NR3C2: variants seen among roughly 807,000 people sequenced by gnomAD.
The protein encoded by NR3C2 is mineralocorticoid receptor.
In NR3C2, 15 loss-of-function variants were observed where a neutral mutation model predicts 86.4. The observed-to-expected ratio is 0.17, with a 90% CI of 0.12 to 0.27. NR3C2 has a LOEUF of 0.27. NR3C2 is among the 10% of genes least tolerant of loss of function. The pLI is 1.00. For missense variants in NR3C2, 960 were observed against 1,195.6 expected, an observed-to-expected ratio of 0.80 and a Z score of 2.91; for synonymous variants, 458 against 450.5, an observed-to-expected ratio of 1.02 and a Z score of -0.21.
At chr4:148,385,378 TAG>T (rs1337366831) in intron 2 of NR3C2, among the ~76,000 whole-genome samples, 1 of 152,190 alleles carries the variant, frequency 6.6e-6, no homozygotes, top group Admixed American at 6.5e-5. Flanking sequence ...ATCCCTGAGG[TAG>T]AGTTAGAATG....
chr4:148,415,665 G>A (rs1330818990), intron 2 of NR3C2, among the ~76,000 whole-genome samples: 3 of 152,160 alleles, frequency 2.0e-5, no homozygotes, highest in Non-Finnish European at 4.4e-5. Context: ...ATGAAGCCTA[G>A]ATCCTAACTG....
At chr4:148,324,685 C>CA (rs1466467445) in intron 2 of NR3C2, among the ~76,000 whole-genome samples, 1 of 151,850 alleles carries the variant, frequency 6.6e-6, no homozygotes, top group Non-Finnish European at 1.5e-5. Flanking sequence ...TTTTCACCAC[C>CA]AAAAAAACCC....
At chr4:148,356,139 A>G (rs1745539861) in intron 2 of NR3C2, among the ~76,000 whole-genome samples, 1 of 152,232 alleles carries the variant, frequency 6.6e-6, no homozygotes, top group African/African-American at 2.4e-5. Flanking sequence ...AGGGAATGAA[A>G]AGAGACAAAT....
At chr4:148,210,609 GAAAAAA>G (rs1257764690) in intron 3 of NR3C2, among the ~76,000 whole-genome samples, 1 of 152,078 alleles carries the variant, frequency 6.6e-6, no homozygotes, top group Non-Finnish European at 1.5e-5. Flanking sequence ...TCCCAAAGGG[GAAAAAA>G]ACCTGTGGTT....
intron 2 of NR3C2, among the ~76,000 whole-genome samples, chr4:148,378,624 C>T (rs868366964): frequency 7.9e-5 from 12 of 152,284 alleles, no homozygotes; most frequent in Middle Eastern, 3.4e-3. Context: ...CTTTCTTCCT[C>T]ATACTTCAGC....
chr4:148,404,019 ACATGT>A (rs1348460301), intron 2 of NR3C2, among the ~76,000 whole-genome samples: 1 of 152,068 alleles, frequency 6.6e-6, no homozygotes, highest in African/African-American at 2.4e-5. Context: ...AAGGAATCTA[ACATGT>A]CATAAGTTAC....
intron 2 of NR3C2, among the ~76,000 whole-genome samples, chr4:148,346,534 T>C (rs80085324): frequency 2.0e-5 from 3 of 152,076 alleles, no homozygotes; most frequent in African/African-American, 7.2e-5. Flanking sequence ...TAAAGACAAA[T>C]ACTTGGTATT....
intron 8 of NR3C2, among the ~76,000 whole-genome samples, chr4:148,083,531 G>A (rs950124326): frequency 2.0e-5 from 3 of 152,150 alleles, no homozygotes; most frequent in African/African-American, 4.8e-5. Context: ...CTCATCTGAA[G>A]GCCACCAACA....
At chr4:148,189,775 A>G (rs1736108740) in intron 4 of NR3C2, among the ~76,000 whole-genome samples, 1 of 152,004 alleles carries the variant, frequency 6.6e-6, no homozygotes, top group Admixed American at 6.6e-5. Context: ...GGAGGATTGT[A>G]TTTTTCCAAG....
At chr4:148,213,557 G>A (rs997424754) in intron 3 of NR3C2, among the ~76,000 whole-genome samples, 8 of 152,058 alleles carry the variant, frequency 5.3e-5, no homozygotes, top group East Asian at 1.9e-4. Context: ...ATTATTCTGC[G>A]GCTGTTCCAA....
intron 2 of NR3C2, among the ~76,000 whole-genome samples, chr4:148,316,425 A>C (rs889183097): frequency 6.6e-6 from 1 of 152,188 alleles, no homozygotes; most frequent in African/African-American, 2.4e-5. Context: ...CTTTCCGAGA[A>C]GCCACAACCC....
chr4:148,129,165 T>C (rs997371519), intron 6 of NR3C2, among the ~76,000 whole-genome samples: 1 of 152,232 alleles, frequency 6.6e-6, no homozygotes, highest in Admixed American at 6.5e-5. Flanking sequence ...ATGTGGTATA[T>C]GTATACAGTG....
At chr4:148,399,036 A>T (rs1283050871) in intron 2 of NR3C2, among the ~76,000 whole-genome samples, 2 of 152,236 alleles carry the variant, frequency 1.3e-5, no homozygotes, top group Non-Finnish European at 1.5e-5. Flanking sequence ...AGGATGGCAC[A>T]GACAAGACTC....
chr4:148,228,280 TACACAC>T lies in NR3C2; in HGVS notation c.1897+31692_1897+31697del, dbSNP rs61297657. On this transcript the variant is annotated intron_variant, in intron 3 of 8. Coordinates refer to ENST00000358102, the MANE Select transcript of NR3C2 (RefSeq NM_000901.5). ...CTCACATGAATAGTTGCATTATTTATACACACACACACACACCCAAGTACTTTGCTT... is the reference window on the plus strand; with the variant it reads ...CTCACATGAATAGTTGCATTATTTATACACACACACCCAAGTACTTTGCTT... Among the ~76,000 whole-genome samples the T allele has an allele frequency of 2.5e-3, 373 of 151,384 alleles. 3 individuals are homozygous for T. Among genetic ancestry groups the T allele is most frequent in the African/African-American group, 8.7e-3 (358 of 41,238 alleles).
At position 148,378,371 on chromosome 4, in the gene NR3C2, C is replaced by A. The variant is rs530885790; in HGVS notation, c.1757+56733G>T. Among the ~76,000 whole-genome samples, 34 of 150,632 alleles carry A rather than the reference C, an allele frequency of 2.3e-4. No homozygotes were observed. The East Asian group carries it at 6.4e-3, about 28-fold the overall frequency. On this transcript the variant is annotated intron_variant, in intron 2 of 8. Coordinates refer to ENST00000358102, the MANE Select transcript of NR3C2 (RefSeq NM_000901.5). ...ACAATGAAGATATACACCCCACACC[C>A]ACCTCCACCAAAAAAAAAAAAATAT...
chr4:148,280,123 G>A (rs1383478824), intron 2 of NR3C2, among the ~76,000 whole-genome samples: 3 of 152,182 alleles, frequency 2.0e-5, no homozygotes, highest in Non-Finnish European at 2.9e-5. Flanking sequence ...CTTAATAACA[G>A]TAAATAAACC....
chr4:148,171,450 T>C (rs1454968586), intron 4 of NR3C2, among the ~76,000 whole-genome samples: 1 of 152,122 alleles, frequency 6.6e-6, no homozygotes, highest in Admixed American at 6.5e-5. Context: ...CAGGGACTGG[T>C]TTTGTGGAGG....
chr4:148,352,378 ATC>A (rs1745329433), intron 2 of NR3C2, among the ~76,000 whole-genome samples: 1 of 32,518 alleles, frequency 3.1e-5, no homozygotes, highest in Non-Finnish European at 5.5e-5. Flanking sequence ...CCTATCATCT[ATC>A]TATCTATCTA....
At chr4:148,205,587 G>A (rs72653870) in intron 3 of NR3C2, among the ~76,000 whole-genome samples, 5 of 152,070 alleles carry the variant, frequency 3.3e-5, no homozygotes, top group Non-Finnish European at 7.4e-5. Context: ...AATAATTATC[G>A]GGTGGCTATT....
Sources: allele counts gnomAD v4.1 joint callset (sites outside exome capture counted in the v4.1 genomes callset), GRCh38; gene constraint gnomAD v4.1.1; transcripts MANE v1.5; gene names NCBI Gene and HGNC (gene_info 2026-07-23, HGNC 2026-07-21).